Variants in LCN2 observed in about 807,000 individuals in gnomAD.
LCN2 encodes the protein lipocalin 2, also known as neutrophil gelatinase-associated lipocalin.
LCN2 carries 27 observed loss-of-function variants against 26.4 expected under a neutral mutation model. That is an observed-to-expected ratio of 1.02 (90% CI 0.76 to 1.41). The LOEUF (loss-of-function observed/expected upper bound fraction) is 1.41, where lower values mean the gene tolerates loss of function less well. LCN2 is among the 40% of genes most tolerant of loss of function. LCN2 has a pLI of 0.00. For missense variants in LCN2, 224 were observed against 237.6 expected, an observed-to-expected ratio of 0.94 and a Z score of 0.38; for synonymous variants, 94 against 98.9, an observed-to-expected ratio of 0.95 and a Z score of 0.30.
chr9:128,150,270 A>G lies in LCN2; in HGVS notation c.171A>G (p.Ala57=), dbSNP rs1320937812. 6.2e-7 allele frequency: 1 copy of G among 1,614,038 alleles called. No homozygotes were observed. The highest frequency in any genetic ancestry group is 1.3e-5 in the African/African-American group (1 of 74,930). ...FQGKWYVVGL[A]GNAILREDKD... ...GGAAGTGGTATGTGGTAGGCCTGGC[A>G]GGGAATGCAATTCTCAGAGAAGACA... The change falls in exon 2 of 7, where the codon GCA becomes GCG. Residue 57 remains alanine (A), a synonymous_variant. Coordinates refer to ENST00000277480, the MANE Select transcript of LCN2 (RefSeq NM_005564.5).
chr9:128,152,615 T>C (rs979811840), intron 5 of LCN2, among the ~76,000 whole-genome samples: 1 of 152,110 alleles, frequency 6.6e-6, no homozygotes, highest in African/African-American at 2.4e-5. Flanking sequence ...CAGGCCCCCT[T>C]GTTCTGGGCC....
chr9:128,151,063 T>C (rs1338398554), intron 2 of LCN2, among the ~76,000 whole-genome samples: 1 of 152,150 alleles, frequency 6.6e-6, no homozygotes, highest in Non-Finnish European at 1.5e-5. Context: ...GGTTTCTGAC[T>C]CTGGCAGCTG....
At chr9:128,150,641 A>T in intron 2 of LCN2, 2 of 620,470 alleles carry the variant, frequency 3.2e-6, no homozygotes, top group Non-Finnish European at 6.0e-6. Context: ...CACTGGATCC[A>T]GCCTGGAACC....
rs1378044686 is a variant in LCN2, at chr9:128,151,955, C to A, written c.405C>A (p.Tyr135Ter). The change falls in exon 4 of 7, where the codon TAC (tyrosine) becomes TAA (stop). Residue 135 changes from tyrosine to a stop codon, truncating the protein, a stop_gained. Transcript: ENST00000277480. LOFTEE classifies it high-confidence loss of function. Reference sequence around the variant, plus strand: ...TCGTCCGAGTGGTGAGCACCAACTACAACCAGCATGCTATGGTGTTCTTCA... The same window carrying A: ...TCGTCCGAGTGGTGAGCACCAACTAAAACCAGCATGCTATGGTGTTCTTCA... The part of the protein sequence containing the change: ...SYLVRVVSTN[Y>*]NQHAMVFFKK... 3.1e-6 allele frequency: 5 copies of A among 1,614,024 alleles called. No individual in the cohort carries two copies. The highest frequency in any genetic ancestry group is 1.7e-5 in the Admixed American group (1 of 60,004).
chr9:128,151,707 C>T lies in LCN2; in HGVS notation c.345C>T (p.Gly115=). The T allele has an allele frequency of 6.2e-7, 1 of 1,613,916 alleles. No individual in the cohort carries two copies. Among genetic ancestry groups the T allele is most frequent in the South Asian group, 1.1e-5 (1 of 91,070 alleles). The change falls in exon 3 of 7, where the codon GGC becomes GGT. Residue 115 remains glycine, a synonymous_variant. Transcript: ENST00000277480. The part of the protein sequence containing the change: ...PGCQPGEFTL[G]NIKSYPGLTS... ...GCCAGCCCGGCGAGTTCACGCTGGG[C>T]AACATTAAGAGTGAGTCTTGAGTGA... is the stretch of plus-strand genomic sequence containing the variant.
Position 128,150,304 on chromosome 9 carries a change from C to G in LCN2, c.205C>G (p.Gln69Glu). Residue 69 changes from glutamine (Q) to glutamate (E), a missense_variant, in exon 2 of 7, where the codon CAA (glutamine) becomes GAA (glutamate). Coordinates refer to ENST00000277480, the MANE Select transcript of LCN2 (RefSeq NM_005564.5). The part of the protein sequence containing the change: ...NAILREDKDP[Q>E]KMYATIYELK... The stretch of plus-strand genomic sequence containing the variant: ...AATTCTCAGAGAAGACAAAGACCCG[C>G]AAAAGATGTATGCCACCATCTATGA... The G allele has an allele frequency of 6.2e-7, 1 of 1,614,142 alleles. No individual in the cohort carries two copies.
In LCN2 at chr9:128,149,654, G is replaced by A; in HGVS notation, c.129G>A (p.Gln43=). ...AGGTCCCTCTGCAGCAGAACTTCCA[G>A]GACAACCAAGTAAGGGGCCAAGAGG... ...LSKVPLQQNF[Q]DNQFQGKWYV... Residue 43 remains glutamine, a synonymous_variant, in exon 1 of 7, where the codon CAG becomes CAA. Transcript: ENST00000277480. The A allele has an allele frequency of 6.2e-7, 1 of 1,613,900 alleles. No homozygotes were observed. The highest frequency in any genetic ancestry group is 8.5e-7 in the Non-Finnish European group (1 of 1,179,942).
chr9:128,150,163 G>C (rs570383840), intron 1 of LCN2, 75 bp from the exon 2 acceptor site: 9 of 1,553,082 alleles, frequency 5.8e-6, no homozygotes, highest in Non-Finnish European at 7.8e-6. Context: ...CGGCCCAGAG[G>C]TGCCACAGGG....
chr9:128,149,726 A>T (rs1024540802), intron 1 of LCN2, 63 bp downstream of exon 1: 22 of 1,592,230 alleles, frequency 1.4e-5, no homozygotes, highest in Non-Finnish European at 1.7e-5. Flanking sequence ...AGAGGGGAGG[A>T]GAGGTGAAGA....
chr9:128,151,524 G>A, intron 2 of LCN2, 114 bp from the exon 3 acceptor site: 1 of 812,722 alleles, frequency 1.2e-6, no homozygotes, highest in Non-Finnish European at 2.1e-6. Flanking sequence ...GTCACGGGTT[G>A]GGCCGGACTG....
intron 1 of LCN2, 46 bp downstream of exon 1, chr9:128,149,709 T>G (rs1282705220): frequency 1.2e-6 from 2 of 1,608,306 alleles, no homozygotes; most frequent in South Asian, 2.2e-5. Flanking sequence ...TGGGGAAGAG[T>G]GGGAGCAGAG....
intron 3 of LCN2, 75 bp from the exon 4 acceptor site, chr9:128,151,831 T>C (rs1266699129): frequency 1.3e-6 from 2 of 1,584,384 alleles, no homozygotes; most frequent in Non-Finnish European, 1.7e-6. Context: ...CCCACGTTGA[T>C]GGGCTGGGGA....
At position 128,153,149 on chromosome 9, in the gene LCN2, G is replaced by C; in HGVS notation, c.*7+23G>C. ...ACAGTGAGTGTGGCTGGGCGGCTGCGAGGGGGCTTGTGGGAGGCCAGGGTG... is the reference window on the plus strand; with the variant it reads ...ACAGTGAGTGTGGCTGGGCGGCTGCCAGGGGGCTTGTGGGAGGCCAGGGTG... On this transcript the variant is annotated intron_variant, in intron 6 of 6. Transcript: ENST00000277480. This position sits in a 1 kb window ranked among gnomAD's most constrained non-coding sequence, Gnocchi z 5.4. 6.2e-7 allele frequency: 1 copy of C among 1,613,836 alleles called. No individual in the cohort carries two copies. The highest frequency in any genetic ancestry group is 8.5e-7 in the Non-Finnish European group (1 of 1,179,928).
rs921269366 is a variant in LCN2, at chr9:128,149,518, C to T, written c.-8C>T. The T allele has an allele frequency of 6.2e-7, 1 of 1,603,646 alleles. No individual in the cohort carries two copies. The highest frequency in any genetic ancestry group is 1.3e-5 in the African/African-American group (1 of 74,574). Reference sequence around the variant, plus strand: ...CACCACAGCGCCTGCTTCCTCGGCCCTGAAATCATGCCCCTAGGTCTCCTG... The same window carrying T: ...CACCACAGCGCCTGCTTCCTCGGCCTTGAAATCATGCCCCTAGGTCTCCTG... On this transcript the variant is annotated 5_prime_UTR_variant, in exon 1 of 7. Transcript: ENST00000277480.
intron 2 of LCN2, 111 bp downstream of exon 2, chr9:128,150,485 T>A: frequency 7.3e-7 from 1 of 1,372,770 alleles, no homozygotes; most frequent in Middle Eastern, 1.8e-4. Context: ...CCGGAATTCA[T>A]CTGTGTTCAT....
At chr9:128,151,276 C>A (rs935540233) in intron 2 of LCN2, among the ~76,000 whole-genome samples, 1 of 151,878 alleles carries the variant, frequency 6.6e-6, no homozygotes, top group Non-Finnish European at 1.5e-5. Context: ...GGAAGGGAAG[C>A]AGCAAGCTGA....
At chr9:128,151,374 A>G (rs1209623643) in intron 2 of LCN2, 5 of 579,856 alleles carry the variant, frequency 8.6e-6, no homozygotes, top group African/African-American at 7.5e-5. Context: ...AAAGAAGGAC[A>G]TCGGGTGCTG....
Position 128,151,471 on chromosome 9 carries a change from G to A in LCN2, c.276-167G>A, listed in dbSNP as rs113072822. The A allele has an allele frequency of 8.6e-4, 559 of 647,618 alleles. 5 individuals carry two copies. The highest frequency in any genetic ancestry group is 8.3e-3 in the African/African-American group (458 of 55,290). The allele number at this position is 647,618 out of a possible 1,614,324, so 40.1% of individuals were successfully genotyped here. On this transcript the variant is annotated intron_variant, in intron 2 of 6. Transcript: ENST00000277480. ...CAGGGAGAAGGCCCAGGCCCATCTC[G>A]GCTGGGTGGGGTAGGGCCCCTCCAG...
At position 128,153,019 on chromosome 9, in the gene LCN2, G is replaced by C; in HGVS notation, c.578-81G>C. ...GCCCAGGGGCAGTGCAGAGGACCTG[G>C]CAGTCAGGGATCACACACACACACT... On this transcript the variant is annotated intron_variant, in intron 5 of 6. Transcript: ENST00000277480. This position sits in a 1 kb window ranked among gnomAD's most constrained non-coding sequence, Gnocchi z 5.4. 6.2e-7 allele frequency: 1 copy of C among 1,604,292 alleles called. No homozygotes were observed. The highest frequency in any genetic ancestry group is 1.3e-5 in the African/African-American group (1 of 74,804).
Sources: allele counts gnomAD v4.1 joint callset (sites outside exome capture counted in the v4.1 genomes callset), GRCh38; gene constraint gnomAD v4.1.1; non-coding constraint Gnocchi (gnomAD v3.1); transcripts MANE v1.5; gene names NCBI Gene and HGNC (gene_info 2026-07-23, HGNC 2026-07-21).